The following GALNTL6 variants were observed in gnomAD, a reference collection of about 807,000 sequenced individuals.
GALNTL6 encodes the protein polypeptide N-acetylgalactosaminyltransferase like 6.
In GALNTL6, 46 loss-of-function variants were observed where a neutral mutation model predicts 73.7. The ratio of observed to expected loss-of-function variants is 0.62; its 90% CI spans 0.49 to 0.80. The LOEUF (loss-of-function observed/expected upper bound fraction) is 0.80, where lower values mean the gene tolerates loss of function less well. Ranked by LOEUF, GALNTL6 falls within the 30% of genes least tolerant of loss-of-function variation. GALNTL6 has a pLI of 0.00. For synonymous variants in GALNTL6, 259 were observed against 263.7 expected (o/e 0.98, Z 0.17); for missense variants, 604 against 755.0 (o/e 0.80, Z 2.34).
chr4:171,951,130 A>G (rs1738865376), intron 2 of GALNTL6, among the ~76,000 whole-genome samples: 1 of 152,152 alleles, frequency 6.6e-6, no homozygotes, highest in African/African-American at 2.4e-5. Flanking sequence ...TGTGTTGTAT[A>G]TGACAGATAC....
chr4:172,175,648 A>G (rs1398722423), intron 2 of GALNTL6, among the ~76,000 whole-genome samples: 1 of 152,232 alleles, frequency 6.6e-6, no homozygotes, highest in East Asian at 1.9e-4. Flanking sequence ...GCATTATGCT[A>G]CGTGCAACAA....
At chr4:172,856,782 T>C (rs1744144383) in intron 7 of GALNTL6, among the ~76,000 whole-genome samples, 1 of 152,212 alleles carries the variant, frequency 6.6e-6, no homozygotes, top group Non-Finnish European at 1.5e-5. Flanking sequence ...GTCAAGCCTA[T>C]TTTTAAGAAA....
intron 2 of GALNTL6, among the ~76,000 whole-genome samples, chr4:171,896,378 A>T (rs1578950017): frequency 6.6e-6 from 1 of 152,232 alleles, no homozygotes; most frequent in Non-Finnish European, 1.5e-5. Flanking sequence ...GAATAAATTG[A>T]CCTACATGGT....
chr4:172,131,139 A>G (rs527944193), intron 2 of GALNTL6, among the ~76,000 whole-genome samples: 1 of 152,056 alleles, frequency 6.6e-6, no homozygotes, highest in East Asian at 1.9e-4. Flanking sequence ...TTTAATTTTA[A>G]AGAAAATATA....
intron 5 of GALNTL6, among the ~76,000 whole-genome samples, chr4:172,672,514 A>G (rs1732045199): frequency 6.6e-6 from 1 of 152,246 alleles, no homozygotes; most frequent in Non-Finnish European, 1.5e-5. Context: ...TGCTATCAGC[A>G]TGATGCTGGC....
chr4:172,853,076 G>C (rs757403636), intron 7 of GALNTL6, among the ~76,000 whole-genome samples: 1 of 152,182 alleles, frequency 6.6e-6, no homozygotes, highest in Non-Finnish European at 1.5e-5. Context: ...GTTTCTGCAG[G>C]TCAGGAGTCT....
At chr4:172,109,218 G>T (rs1331384967) in intron 2 of GALNTL6, among the ~76,000 whole-genome samples, 1 of 150,764 alleles carries the variant, frequency 6.6e-6, no homozygotes, top group African/African-American at 2.4e-5. Flanking sequence ...CATCAATGAA[G>T]AATTTTGTTA....
chr4:173,023,228 T>A (rs1753089044), intron 12 of GALNTL6, among the ~76,000 whole-genome samples: 1 of 152,164 alleles, frequency 6.6e-6, no homozygotes, highest in Non-Finnish European at 1.5e-5. Context: ...TTAATAAGCA[T>A]TCTGGTTTCC....
chr4:172,176,452 A>T (rs975183245), intron 2 of GALNTL6, among the ~76,000 whole-genome samples: 2 of 151,952 alleles, frequency 1.3e-5, no homozygotes, highest in Admixed American at 1.3e-4. Context: ...ATAAGTGAAG[A>T]CTTTAAATAC....
At chr4:172,226,254 G>T (rs1440817627) in intron 2 of GALNTL6, among the ~76,000 whole-genome samples, 1 of 151,734 alleles carries the variant, frequency 6.6e-6, no homozygotes, top group Non-Finnish European at 1.5e-5. Flanking sequence ...TCCTATTTTG[G>T]TTTTATCTAC....
At chr4:173,038,090 T>C (rs1753766238) in intron 12 of GALNTL6, among the ~76,000 whole-genome samples, 2 of 152,122 alleles carry the variant, frequency 1.3e-5, no homozygotes, top group African/African-American at 2.4e-5. Context: ...ATACAGATAG[T>C]GAAGAGGGGG....
intron 2 of GALNTL6, among the ~76,000 whole-genome samples, chr4:172,051,587 C>T (rs778255345): frequency 9.2e-5 from 14 of 152,204 alleles, no homozygotes; most frequent in Non-Finnish European, 1.8e-4. Context: ...AGCATTCAGA[C>T]GTTCCTTTTC....
At chr4:171,868,487 A>G (rs911514042) in intron 2 of GALNTL6, among the ~76,000 whole-genome samples, 1 of 152,166 alleles carries the variant, frequency 6.6e-6, no homozygotes, top group African/African-American at 2.4e-5. Context: ...CCCCTCTGAA[A>G]TAAGTGGCTC....
chr4:172,227,073 A>C (rs1252594242), intron 2 of GALNTL6, among the ~76,000 whole-genome samples: 1 of 152,128 alleles, frequency 6.6e-6, no homozygotes, highest in Non-Finnish European at 1.5e-5. Flanking sequence ...TTTGCTGCCT[A>C]TTCATACTCA....
intron 5 of GALNTL6, among the ~76,000 whole-genome samples, chr4:172,612,527 C>T (rs543664758): frequency 3.5e-4 from 53 of 152,130 alleles, no homozygotes; most frequent in Non-Finnish European, 2.8e-4. Flanking sequence ...TTGAGTCACA[C>T]TGGGCAGAAT....
At chr4:172,192,992 G>C (rs2110882655) in intron 2 of GALNTL6, among the ~76,000 whole-genome samples, 1 of 152,326 alleles carries the variant, frequency 6.6e-6, no homozygotes, top group African/African-American at 2.4e-5. Context: ...ACTCCAGCCA[G>C]GGGTTTATGG....
chr4:171,895,543 C>T (rs1197164554), intron 2 of GALNTL6, among the ~76,000 whole-genome samples: 1 of 152,066 alleles, frequency 6.6e-6, no homozygotes, highest in East Asian at 1.9e-4. Context: ...GAGTTGCTGT[C>T]CAAGACTAAG....
intron 5 of GALNTL6, among the ~76,000 whole-genome samples, chr4:172,779,460 T>A (rs1739261121): frequency 1.3e-5 from 2 of 152,136 alleles, no homozygotes; most frequent in Non-Finnish European, 2.9e-5. Flanking sequence ...AATCACATCA[T>A]GTTTAGAGCT....
chr4:171,960,989 G>A (rs1302930917), intron 2 of GALNTL6, among the ~76,000 whole-genome samples: 1 of 151,856 alleles, frequency 6.6e-6, no homozygotes, highest in Non-Finnish European at 1.5e-5. Context: ...ATTACTCTGT[G>A]GACTCTCCCC....
Sources: gnomAD v4.1 joint callset for allele counts (sites outside exome capture counted in the v4.1 genomes callset) on GRCh38, gnomAD v4.1.1 for gene constraint, MANE v1.5 for transcripts, NCBI Gene and HGNC (gene_info 2026-07-23, HGNC 2026-07-21) for gene names.